DPP10: variants seen among roughly 807,000 people sequenced by gnomAD.
DPP10 encodes the protein inactive dipeptidyl peptidase 10.
DPP10 carries 33 observed loss-of-function variants against 120.9 expected under a neutral mutation model. The ratio of observed to expected loss-of-function variants is 0.27; its 90% CI spans 0.21 to 0.37. The LOEUF (loss-of-function observed/expected upper bound fraction) is 0.37, where lower values mean the gene tolerates loss of function less well. Among genes scored for constraint, DPP10 ranks in the 10% least tolerant of loss-of-function variants. DPP10 has a pLI of 1.00. For missense variants in DPP10, 816 were observed against 942.8 expected, an observed-to-expected ratio of 0.87 and a Z score of 1.76; for synonymous variants, 337 against 326.1, an observed-to-expected ratio of 1.03 and a Z score of -0.36.
intron 7 of DPP10, among the ~76,000 whole-genome samples, chr2:115,711,583 G>A (rs148895459): frequency 1.2e-4 from 19 of 152,094 alleles, no homozygotes; most frequent in Non-Finnish European, 1.8e-4. Context: ...TCCTATATAG[G>A]TGTGGGAATG....
chr2:115,536,143 C>A (rs1030838270), intron 5 of DPP10, among the ~76,000 whole-genome samples: 7 of 151,762 alleles, frequency 4.6e-5, no homozygotes, highest in Non-Finnish European at 8.8e-5. Context: ...AGAAATAATG[C>A]CTCTATCCAC....
At chr2:114,798,630 G>A (rs1285657637) in intron 1 of DPP10, among the ~76,000 whole-genome samples, 2 of 152,118 alleles carry the variant, frequency 1.3e-5, no homozygotes, top group East Asian at 3.9e-4. Flanking sequence ...AGCCAGGAGG[G>A]CAGGCACCCT....
intron 1 of DPP10, among the ~76,000 whole-genome samples, chr2:115,196,096 A>G (rs2055247668): frequency 6.6e-6 from 1 of 152,116 alleles, no homozygotes; most frequent in Non-Finnish European, 1.5e-5. Flanking sequence ...TTTCCCAGGG[A>G]CCAGATGTTC....
chr2:114,802,012 T>C (rs535608738), intron 1 of DPP10, among the ~76,000 whole-genome samples: 4 of 152,350 alleles, frequency 2.6e-5, no homozygotes, highest in African/African-American at 9.6e-5. Flanking sequence ...TCAGTTTCTC[T>C]AATTCTAATT....
chr2:114,749,166 A>AT lies in DPP10; in HGVS notation c.60+306334dup, dbSNP rs1678936410. 2.7e-5 allele frequency among the ~76,000 whole-genome samples: 4 copies of AT among 146,678 alleles called. No homozygotes were observed. The South Asian group carries it at 6.8e-4, about 25-fold the overall frequency. On this transcript the variant is annotated intron_variant, in intron 1 of 25. Coordinates refer to ENST00000410059, the MANE Select transcript of DPP10 (RefSeq NM_020868.6). The stretch of plus-strand genomic sequence containing the variant: ...TCTCTGATGGCCAGTGATGATGAGC[A>AT]TTTTTTCATGTGTTTTTTGGCTGCA...
rs550829345 is a variant in DPP10 at position 115,605,104 on chromosome 2, A to G, written c.441+79132A>G. Among the ~76,000 whole-genome samples the G allele has an allele frequency of 5.4e-4, 83 of 152,304 alleles. 1 individual carries two copies. Among genetic ancestry groups the G allele is most frequent in the African/African-American group, 1.9e-3 (81 of 41,586 alleles). ...ACAATCTCCAATATTCACCTGCTCT[A>G]TAGGACTAGGTCATGGAATACCTTT... On this transcript the variant is annotated intron_variant, in intron 5 of 25. Coordinates refer to ENST00000410059, the MANE Select transcript of DPP10 (RefSeq NM_020868.6).
At chr2:114,802,305 A>G (rs1034059852) in intron 1 of DPP10, among the ~76,000 whole-genome samples, 1 of 152,218 alleles carries the variant, frequency 6.6e-6, no homozygotes, top group African/African-American at 2.4e-5. Context: ...TTATACTTTT[A>G]AAATATTTAA....
intron 1 of DPP10, among the ~76,000 whole-genome samples, chr2:114,928,936 G>GA (rs1695846046): frequency 6.6e-6 from 1 of 152,142 alleles, no homozygotes; most frequent in South Asian, 2.1e-4. Flanking sequence ...GCTATCGGGG[G>GA]AACCAGCCCC....
intron 1 of DPP10, among the ~76,000 whole-genome samples, chr2:114,678,480 T>C (rs998752991): frequency 3.0e-4 from 46 of 152,168 alleles, no homozygotes; most frequent in African/African-American, 1.0e-3. Flanking sequence ...CAACTAAAGA[T>C]GAGTTTACCA....
At chr2:114,466,533 G>T in intron 1 of DPP10, among the ~76,000 whole-genome samples, 1 of 152,070 alleles carries the variant, frequency 6.6e-6, no homozygotes, top group Non-Finnish European at 1.5e-5. Flanking sequence ...GTGACCTTAG[G>T]CAGGTTGTTT....
chr2:114,692,008 A>G (rs927882696), intron 1 of DPP10, among the ~76,000 whole-genome samples: 14 of 151,794 alleles, frequency 9.2e-5, no homozygotes, highest in Non-Finnish European at 1.9e-4. Flanking sequence ...TGGTCTATCT[A>G]TTTTGTTAAT....
At position 115,623,358 on chromosome 2, in the gene DPP10, G is replaced by A. The variant is rs905005232; in HGVS notation, c.442-66329G>A. 4.6e-5 allele frequency among the ~76,000 whole-genome samples: 7 copies of A among 152,284 alleles called. 1 individual carries two copies. The highest frequency in any genetic ancestry group is 4.6e-4 in the Admixed American group (7 of 15,290). On this transcript the variant is annotated intron_variant, in intron 5 of 25. Transcript: ENST00000410059. ...GCGTATGTCAGGATGTTTAGTGAGCGATACAGGAGTATTTCATTGTATTTG... is the reference window on the plus strand; with the variant it reads ...GCGTATGTCAGGATGTTTAGTGAGCAATACAGGAGTATTTCATTGTATTTG...
intron 2 of DPP10, among the ~76,000 whole-genome samples, chr2:115,318,920 G>T (rs1574406110): frequency 6.6e-6 from 1 of 152,010 alleles, no homozygotes; most frequent in African/African-American, 2.4e-5. Flanking sequence ...TTCTTGTCTA[G>T]TTACTCTGGC....
At chr2:115,613,011 T>C (rs1040845033) in intron 5 of DPP10, among the ~76,000 whole-genome samples, 4 of 152,308 alleles carry the variant, frequency 2.6e-5, no homozygotes, top group Non-Finnish European at 5.9e-5. Context: ...TTTTAATGTG[T>C]GTAGCCACAA....
At chr2:115,726,609 G>C (rs2092770992) in intron 7 of DPP10, among the ~76,000 whole-genome samples, 2 of 151,970 alleles carry the variant, frequency 1.3e-5, no homozygotes, top group South Asian at 4.2e-4. Context: ...TTCTTACTCT[G>C]ATATTGAGAT....
chr2:115,762,477 G>A (rs1680232056), intron 11 of DPP10, 95 bp from the exon 12 acceptor site: 2 of 1,298,850 alleles, frequency 1.5e-6, no homozygotes, highest in Non-Finnish European at 2.2e-6. Flanking sequence ...TGAAGAGAGG[G>A]AAAAAAAACT....
At position 115,057,153 on chromosome 2, in the gene DPP10, C is replaced by A. The variant is rs547978678; in HGVS notation, c.61-252086C>A. Among the ~76,000 whole-genome samples the A allele has an allele frequency of 2.6e-5, 4 of 152,314 alleles. No individual in the cohort carries two copies. The East Asian group carries it at 5.8e-4, about 22-fold the overall frequency. ...GCTGCATCTGCTATTTCCTGCTCAG[C>A]CCTTTCTTAACTCTCTTAGATATGA... On this transcript the variant is annotated intron_variant, in intron 1 of 25. Coordinates refer to ENST00000410059, the MANE Select transcript of DPP10 (RefSeq NM_020868.6).
chr2:115,772,618 T>G lies in DPP10; in HGVS notation c.1221+4214T>G, dbSNP rs527867156. 2.0e-5 allele frequency among the ~76,000 whole-genome samples: 3 copies of G among 152,304 alleles called. No homozygotes were observed. In the East Asian group the frequency reaches 5.8e-4, roughly 29 times the overall value. On this transcript the variant is annotated intron_variant, in intron 13 of 25. Coordinates refer to ENST00000410059, the MANE Select transcript of DPP10 (RefSeq NM_020868.6). ...TTTATGTACTTCCTGAGTCATACAC[T>G]GATACAAAACCTTTTACCCCAGACC... is the stretch of plus-strand genomic sequence containing the variant.
At chr2:115,789,555 T>G (rs1326342965) in intron 17 of DPP10, among the ~76,000 whole-genome samples, 3 of 152,192 alleles carry the variant, frequency 2.0e-5, no homozygotes, top group African/African-American at 7.2e-5. Flanking sequence ...GCCTGAGGAC[T>G]GGGAAAGTCA....
Sources: gnomAD v4.1 joint callset for allele counts (sites outside exome capture counted in the v4.1 genomes callset) on GRCh38, gnomAD v4.1.1 for gene constraint, MANE v1.5 for transcripts, NCBI Gene and HGNC (gene_info 2026-07-23, HGNC 2026-07-21) for gene names.